TRPM6: variants seen among roughly 807,000 people sequenced by gnomAD.
TRPM6 encodes the protein transient receptor potential cation channel subfamily M member 6, also known as channel kinase 2.
A neutral mutation model predicts 247.6 loss-of-function variants in TRPM6; 111 were observed. The observed-to-expected ratio is 0.45, with a 90% CI of 0.38 to 0.52. TRPM6 has a LOEUF of 0.52. TRPM6 is among the 20% of genes least tolerant of loss of function. The probability of loss-of-function intolerance (pLI) is 0.00; values close to 1 mark genes in which losing one functional copy is unlikely to be tolerated. For missense variants in TRPM6, 2,126 were observed against 2,421.5 expected (o/e 0.88, Z 2.56); for synonymous variants, 892 against 853.8 (o/e 1.04, Z -0.78).
intron 25 of TRPM6, among the ~76,000 whole-genome samples, chr9:74,770,959 C>A (rs2118879018): frequency 6.6e-6 from 1 of 152,330 alleles, no homozygotes; most frequent in African/African-American, 2.4e-5. Context: ...TCTGTCTTCA[C>A]CCACTTCAGT....
chr9:74,776,004 G>A lies in TRPM6; in HGVS notation c.3282C>T (p.Thr1094=). Residue 1094 remains threonine, a synonymous_variant, in exon 24 of 39, where the codon ACC becomes ACT. Coordinates refer to ENST00000360774, the MANE Select transcript of TRPM6 (RefSeq NM_017662.5). ...WKYNRYRYIM[T]YHEKPWLPPP... ...GGGGCAGCCAGGGCTTCTCGTGGTA[G>A]GTCATGATGTAGCGATAGCGGTTGT... 6.2e-7 allele frequency: 1 copy of A among 1,614,160 alleles called. No individual in the cohort carries two copies. Among genetic ancestry groups the A allele is most frequent in the Middle Eastern group, 1.6e-4 (1 of 6,062 alleles).
At chr9:74,782,209 A>G (rs1430841263) in intron 23 of TRPM6, among the ~76,000 whole-genome samples, 153 bp downstream of exon 23, 1 of 152,174 alleles carries the variant, frequency 6.6e-6, no homozygotes, top group Non-Finnish European at 1.5e-5. Flanking sequence ...TGTCCTTCTT[A>G]TCAGTAGTTT....
Position 74,786,005 on chromosome 9 carries a change from C to G in TRPM6, c.2788G>C (p.Gly930Arg). The G allele has an allele frequency of 6.2e-7, 1 of 1,614,168 alleles. No homozygotes were observed. Among genetic ancestry groups the G allele is most frequent in the Non-Finnish European group, 8.5e-7 (1 of 1,180,038 alleles). Reference protein sequence around the residue: ...LFSAGFVLRWGDPPFHTAGRL... With the variant: ...LFSAGFVLRWRDPPFHTAGRL... ...CCCGCTGTGTGAAAAGGAGGGTCAC[C>G]CCATCGAAGGACGAAGCCAGCTGAA... Residue 930 changes from glycine to arginine, a missense_variant, in exon 21 of 39, where the codon GGT becomes CGT. Physicochemically the swap from Gly to Arg is moderately radical, Grantham distance 125. Coordinates refer to ENST00000360774, the MANE Select transcript of TRPM6 (RefSeq NM_017662.5).
At position 74,738,446 on chromosome 9, in the gene TRPM6, C is replaced by T; in HGVS notation, c.5737G>A (p.Glu1913Lys). 1 of 1,614,088 alleles carries T rather than the reference C, an allele frequency of 6.2e-7. No homozygotes were observed. ...LMLAFSHWTY[E>K]YTRGELLVLD... ...ACCAGCAGCTCTCCCCGAGTGTACT[C>T]ATAGGTCCAGTGAGAGAAAGCCAAC... is the stretch of plus-strand genomic sequence containing the variant. The change falls in exon 36 of 39, where the codon GAG becomes AAG. Residue 1913 changes from glutamate (E) to lysine (K), a missense_variant. Physicochemically the swap from Glu to Lys is moderately conservative, Grantham distance 56. Coordinates refer to ENST00000360774, the MANE Select transcript of TRPM6 (RefSeq NM_017662.5).
intron 19 of TRPM6, among the ~76,000 whole-genome samples, chr9:74,791,903 C>T (rs866060875): frequency 6.6e-6 from 1 of 152,164 alleles, no homozygotes; most frequent in African/African-American, 2.4e-5. Context: ...ACTACAGGCG[C>T]CCGCCATCAC....
At chr9:74,737,557 G>T in intron 36 of TRPM6, 1 of 611,530 alleles carries the variant, frequency 1.6e-6, no homozygotes, top group Non-Finnish European at 2.6e-6. Context: ...AAAGAACAGT[G>T]AAAAGAAAAG....
In TRPM6 at chr9:74,762,135, G is replaced by A; in HGVS notation, c.4536C>T (p.Cys1512=). The part of the protein sequence containing the change: ...NSTRSAQSSE[C]SEVGPWLQPN... ...GCTGAAGCCATGGTCCCACCTCTGA[G>A]CATTCACTACTCTGGGCCGATCTTG... The change falls in exon 26 of 39, where the codon TGC becomes TGT. Residue 1512 remains cysteine (C), a synonymous_variant. Coordinates refer to ENST00000360774, the MANE Select transcript of TRPM6 (RefSeq NM_017662.5). 1 of 1,614,208 alleles carries A rather than the reference G, an allele frequency of 6.2e-7. No individual in the cohort carries two copies.
At chr9:74,803,672 T>G in intron 15 of TRPM6, 122 bp downstream of exon 15, 1 of 789,870 alleles carries the variant, frequency 1.3e-6, no homozygotes, top group Non-Finnish European at 2.3e-6. Flanking sequence ...TTGCACCATC[T>G]GTTTATGGCA....
chr9:74,796,964 T>C (rs1165371036), intron 17 of TRPM6, 71 bp from the exon 18 acceptor site: 1 of 1,388,108 alleles, frequency 7.2e-7, no homozygotes, highest in Non-Finnish European at 1.0e-6. Context: ...ATAACAAAAT[T>C]AAGAATTTCA....
intron 9 of TRPM6, 85 bp downstream of exon 9, chr9:74,820,219 T>C: frequency 6.7e-7 from 1 of 1,489,698 alleles, no homozygotes; most frequent in East Asian, 2.3e-5. Context: ...CCACCATGTT[T>C]TTTTTTAATT....
At chr9:74,814,457 T>C (rs1453074984) in intron 11 of TRPM6, among the ~76,000 whole-genome samples, 1 of 152,182 alleles carries the variant, frequency 6.6e-6, no homozygotes, top group Admixed American at 6.5e-5. Context: ...TATAATTGGA[T>C]TGTTTGTAAC....
chr9:74,751,548 C>A (rs541118256), intron 29 of TRPM6, among the ~76,000 whole-genome samples: 1 of 152,320 alleles, frequency 6.6e-6, no homozygotes, highest in South Asian at 2.1e-4. Context: ...TTCTCAAGTT[C>A]AAACAGGTAA....
At chr9:74,800,057 ATC>A in intron 17 of TRPM6, 195 bp downstream of exon 17, 1 of 616,490 alleles carries the variant, frequency 1.6e-6, no homozygotes, top group East Asian at 2.8e-5. Flanking sequence ...GAAGACGACC[ATC>A]CCCGATAGAG....
chr9:74,873,801 AAATCTTTGAGACTT>A (rs1831103612), intron 1 of TRPM6, among the ~76,000 whole-genome samples: 1 of 152,134 alleles, frequency 6.6e-6, no homozygotes, highest in African/African-American at 2.4e-5. Flanking sequence ...AAGATCTTAA[AAATCTTTGAGACTT>A]TTATTGTAAC....
At chr9:74,741,069 T>C (rs1825849153) in intron 33 of TRPM6, among the ~76,000 whole-genome samples, 1 of 152,204 alleles carries the variant, frequency 6.6e-6, no homozygotes, top group African/African-American at 2.4e-5. Context: ...AAAGGTTAAA[T>C]AGGCTAACAT....
intron 1 of TRPM6, chr9:74,887,164 T>G (rs1484675504): frequency 9.6e-7 from 1 of 1,036,670 alleles, no homozygotes; most frequent in East Asian, 3.0e-5. Flanking sequence ...CGGGGACTCC[T>G]GAGGTTGCAA....
Position 74,782,613 on chromosome 9 carries a change from G to C in TRPM6, c.3094+66C>G, listed in dbSNP as rs868533845. ...TTAAGATTTAGATGATTGTTTTTCA[G>C]ATGTATTTTACTCTTGTTAACTATG... is the stretch of plus-strand genomic sequence containing the variant. On this transcript the variant is annotated intron_variant, in intron 22 of 38. Coordinates refer to ENST00000360774, the MANE Select transcript of TRPM6 (RefSeq NM_017662.5). 9 of 1,560,854 alleles carry C rather than the reference G, an allele frequency of 5.8e-6. No individual in the cohort carries two copies. In the South Asian group the frequency reaches 8.9e-5, roughly 15 times the overall value.
At chr9:74,845,941 A>G (rs1830094432) in intron 3 of TRPM6, among the ~76,000 whole-genome samples, 1 of 152,128 alleles carries the variant, frequency 6.6e-6, no homozygotes, top group African/African-American at 2.4e-5. Context: ...TAGATGAGTA[A>G]TAAGAGCCTC....
chr9:74,762,493 A>C lies in TRPM6; in HGVS notation c.4178T>G (p.Val1393Gly). ...ATCCACTGATGCCCAGTCAGAGACA[A>C]CTGGGGTCTGCCCAGTCAGATGAAC... ...VLVHLTGQTP[V>G]VSDWASVDEP... The change falls in exon 26 of 39, where the codon GTT becomes GGT. Residue 1393 changes from valine (V) to glycine (G), a missense_variant. Val to Gly is a moderately radical substitution (Grantham distance 109). Around this residue, in one of 3 missense-constraint regions of TRPM6, gnomAD observed 717 missense variants for 715.9 expected, o/e 1.00. Coordinates refer to ENST00000360774, the MANE Select transcript of TRPM6 (RefSeq NM_017662.5). 1 of 1,614,182 alleles carries C rather than the reference A, an allele frequency of 6.2e-7. No homozygotes were observed. Among genetic ancestry groups the C allele is most frequent in the African/African-American group, 1.3e-5 (1 of 75,064 alleles).
Sources: allele counts gnomAD v4.1 joint callset (sites outside exome capture counted in the v4.1 genomes callset), GRCh38; gene constraint gnomAD v4.1.1; regional missense constraint gnomAD v4.1.1; transcripts MANE v1.5; gene names NCBI Gene and HGNC (gene_info 2026-07-23, HGNC 2026-07-21).